The following POLA1 variants were observed in gnomAD, a reference collection of about 807,000 sequenced individuals.
POLA1 encodes the protein DNA polymerase alpha catalytic subunit.
POLA1 carries 15 observed loss-of-function variants against 124.0 expected under a neutral mutation model. The observed-to-expected ratio is 0.12, with a 90% CI of 0.08 to 0.19. The LOEUF (loss-of-function observed/expected upper bound fraction) is 0.19, where lower values mean the gene tolerates loss of function less well. POLA1 is among the 10% of genes least tolerant of loss of function. The probability of loss-of-function intolerance (pLI) is 1.00; values close to 1 mark genes in which losing one functional copy is unlikely to be tolerated. For missense variants in POLA1, 886 were observed against 1,103.4 expected (o/e 0.80, Z 2.79); for synonymous variants, 408 against 389.4 (o/e 1.05, Z -0.56).
intron 32 of POLA1, among the ~76,000 whole-genome samples, chrX:24,838,072 T>A (rs1304167729): frequency 1.8e-5 from 2 of 111,568 alleles, no homozygotes; most frequent in African/African-American, 6.5e-5. Flanking sequence ...GAAAGTGCAA[T>A]GGTAGAAAAA....
At chrX:24,718,780 A>G (rs760642846) in intron 10 of POLA1, among the ~76,000 whole-genome samples, 14 of 111,919 alleles carry the variant, frequency 1.3e-4, no homozygotes, top group Non-Finnish European at 2.3e-4. Flanking sequence ...AGATCAGTCA[A>G]TCCAGGGCAG....
chrX:24,905,563 C>CCTT (rs1491113971), intron 35 of POLA1, among the ~76,000 whole-genome samples: 1 of 28,962 alleles, frequency 3.5e-5, no homozygotes, highest in African/African-American at 8.5e-5. Flanking sequence ...CCCCCCCCCC[C>CCTT]TTTTTTTTTT....
chrX:24,963,624 G>A (rs1476091246), intron 36 of POLA1, among the ~76,000 whole-genome samples: 1 of 111,777 alleles, frequency 8.9e-6, no homozygotes, highest in East Asian at 2.8e-4. Flanking sequence ...TAAAGAGTAA[G>A]TATGTAGACT....
chrX:24,887,673 A>G lies in POLA1; in HGVS notation c.4048-333A>G, dbSNP rs1454242889. On this transcript the variant is annotated intron_variant, in intron 34 of 36. Coordinates refer to ENST00000379068, the MANE Select transcript of POLA1 (RefSeq NM_001330360.2). ...CTTTGGTAATGGTCTTTACTAATGA[A>G]CTAAAACACATTGGTTTACATTCTG... Among the ~76,000 whole-genome samples, 5 of 111,575 alleles carry G rather than the reference A, an allele frequency of 4.5e-5. No homozygotes were observed. The East Asian group carries it at 1.1e-3, about 25-fold the overall frequency.
rs11573518 is a variant in POLA1, at chrX:24,984,155, A to G, written c.4262-11650A>G. Among the ~76,000 whole-genome samples the G allele has an allele frequency of 1.1e-4, 12 of 112,605 alleles. No homozygotes were observed. In the South Asian group the frequency reaches 1.9e-3, roughly 17 times the overall value. ...ATGGATAGCAACAATTTGCAAATCA[A>G]TAAGACCCATTTTGTAATTAGCTTT... On this transcript the variant is annotated intron_variant, in intron 36 of 36. Transcript: ENST00000379068.
chrX:24,842,750 C>T (rs1250692211), intron 33 of POLA1, among the ~76,000 whole-genome samples: 3 of 111,515 alleles, frequency 2.7e-5, no homozygotes, highest in Non-Finnish European at 5.6e-5. Flanking sequence ...CGATGTCAAG[C>T]TCTGAAATCT....
At chrX:24,926,620 T>C (rs1029174725) in intron 35 of POLA1, among the ~76,000 whole-genome samples, 2 of 111,704 alleles carry the variant, frequency 1.8e-5, no homozygotes, top group African/African-American at 6.5e-5. Flanking sequence ...TCTCAGCCTA[T>C]TTTGGATAAC....
intron 33 of POLA1, 187 bp downstream of exon 33, chrX:24,842,017 ACTTGAATGTG>A: frequency 2.7e-6 from 1 of 372,993 alleles, no homozygotes; most frequent in South Asian, 6.2e-5. Context: ...GAAAACTCTT[ACTTGAATGTG>A]CTTGAATATT....
At chrX:24,954,609 G>T (rs2048085048) in intron 36 of POLA1, among the ~76,000 whole-genome samples, 2 of 112,413 alleles carry the variant, frequency 1.8e-5, no homozygotes. Flanking sequence ...TAATTTGTTA[G>T]TGTTAGATAT....
chrX:24,721,292 A>C (rs973525895), intron 10 of POLA1, among the ~76,000 whole-genome samples: 3 of 112,458 alleles, frequency 2.7e-5, no homozygotes, highest in African/African-American at 9.7e-5. Flanking sequence ...ATAGCTCTTT[A>C]GTGGTAGAAG....
chrX:24,800,026 C>T (rs777715034), intron 26 of POLA1, among the ~76,000 whole-genome samples: 2 of 111,403 alleles, frequency 1.8e-5, no homozygotes, highest in South Asian at 3.8e-4. Flanking sequence ...TCTTAATTAG[C>T]CCCCCTGGAT....
chrX:24,698,503 G>A (rs1209170907), intron 1 of POLA1, among the ~76,000 whole-genome samples: 2 of 111,038 alleles, frequency 1.8e-5, no homozygotes, highest in Non-Finnish European at 3.8e-5. Flanking sequence ...TTGAATTTCC[G>A]GGTGCTTTGG....
intron 34 of POLA1, among the ~76,000 whole-genome samples, chrX:24,880,930 C>A (rs1193111641): frequency 9.0e-6 from 1 of 111,412 alleles, no homozygotes; most frequent in Non-Finnish European, 1.9e-5. Context: ...GCTGCCAGAC[C>A]CCGTCCTGTG....
chrX:24,988,255 GTTGTCATCA>G (rs2048499399), intron 36 of POLA1, among the ~76,000 whole-genome samples: 1 of 112,542 alleles, frequency 8.9e-6, no homozygotes, highest in African/African-American at 3.2e-5. Flanking sequence ...CTGCCTATCT[GTTGTCATCA>G]TTGTCATCAA....
At chrX:24,734,159 A>G (rs1253836079) in intron 17 of POLA1, 1 of 121,955 alleles carries the variant, frequency 8.2e-6, no homozygotes, top group Non-Finnish European at 1.7e-5. Context: ...CCCCAGCTTG[A>G]GGGAAGCTAA....
intron 34 of POLA1, among the ~76,000 whole-genome samples, chrX:24,885,682 A>T (rs2047055726): frequency 9.0e-6 from 1 of 110,926 alleles, no homozygotes; most frequent in Non-Finnish European, 1.9e-5. Context: ...GTGCCACCAC[A>T]CTCGGCTATT....
intron 26 of POLA1, among the ~76,000 whole-genome samples, chrX:24,800,401 A>G (rs1423521678): frequency 9.0e-6 from 1 of 111,671 alleles, no homozygotes; most frequent in Non-Finnish European, 1.9e-5. Context: ...GTTAATACCT[A>G]CTGCTCCAGT....
chrX:24,760,624 C>T (rs1468860591), intron 26 of POLA1, among the ~76,000 whole-genome samples: 1 of 112,051 alleles, frequency 8.9e-6, no homozygotes, highest in African/African-American at 3.2e-5. Context: ...TGTTATGGCT[C>T]AGGACCAGCT....
At chrX:24,764,961 T>G (rs184109614) in intron 26 of POLA1, among the ~76,000 whole-genome samples, 1,128 of 111,333 alleles carry the variant, frequency 0.01, 8 homozygotes, top group Non-Finnish European at 0.015. Context: ...TTGCATCATA[T>G]CATTCTGCTT....
Sources: allele counts gnomAD v4.1 joint callset (sites outside exome capture counted in the v4.1 genomes callset), GRCh38; gene constraint gnomAD v4.1.1; transcripts MANE v1.5; gene names NCBI Gene and HGNC (gene_info 2026-07-23, HGNC 2026-07-21).